KATNAL1: variants seen among roughly 807,000 people sequenced by gnomAD.
The protein encoded by KATNAL1 is katanin catalytic subunit A1 like 1.
In KATNAL1, 32 loss-of-function variants were observed where a neutral mutation model predicts 55.2. The ratio of observed to expected loss-of-function variants is 0.58; its 90% CI spans 0.44 to 0.78. KATNAL1 has a LOEUF of 0.78. Ranked by LOEUF, KATNAL1 falls within the 30% of genes least tolerant of loss-of-function variation. The pLI is 0.00. For synonymous variants in KATNAL1, 193 were observed against 193.6 expected (o/e 1.00, Z 0.02); for missense variants, 466 against 600.9 (o/e 0.78, Z 2.35).
intron 7 of KATNAL1, among the ~76,000 whole-genome samples, chr13:30,230,867 T>C (rs78350056): frequency 0.02 from 2,978 of 152,290 alleles, 88 homozygotes; most frequent in African/African-American, 0.068. Context: ...ATTTCCATAA[T>C]GGAAAAATTT....
intron 4 of KATNAL1, among the ~76,000 whole-genome samples, chr13:30,251,139 CAAAAA>C (rs34899786): frequency 1.2e-5 from 1 of 85,912 alleles, no homozygotes. Flanking sequence ...GACTCTGCCT[CAAAAA>C]AAAAAAAAAA....
chr13:30,240,328 G>A (rs544331180), intron 6 of KATNAL1, 132 bp downstream of exon 6: 16 of 614,962 alleles, frequency 2.6e-5, no homozygotes, highest in South Asian at 2.1e-4. Context: ...AAATCCAGGT[G>A]TTTTGGGTGT....
At chr13:30,280,515 A>C (rs1260022986) in intron 2 of KATNAL1, among the ~76,000 whole-genome samples, 2 of 152,202 alleles carry the variant, frequency 1.3e-5, no homozygotes, top group Non-Finnish European at 2.9e-5. Context: ...AAAACAAGCA[A>C]CTAAGTAGGT....
intron 4 of KATNAL1, among the ~76,000 whole-genome samples, chr13:30,248,876 A>G (rs1295360242): frequency 1.3e-5 from 2 of 152,090 alleles, no homozygotes; most frequent in Non-Finnish European, 2.9e-5. Flanking sequence ...TGGCTAACAC[A>G]GTGAAACCCC....
At chr13:30,268,949 C>T (rs1879994533) in intron 3 of KATNAL1, among the ~76,000 whole-genome samples, 1 of 152,110 alleles carries the variant, frequency 6.6e-6, no homozygotes, top group Non-Finnish European at 1.5e-5. Flanking sequence ...CCTGACCTTA[C>T]AAAGCTTACA....
chr13:30,240,697 CA>C lies in KATNAL1; in HGVS notation c.621-133del, dbSNP rs569210453. On this transcript the variant is annotated intron_variant, in intron 5 of 10. Coordinates refer to ENST00000380615, the MANE Select transcript of KATNAL1 (RefSeq NM_032116.5). ...AAGAACATTATTCTAATTCTTACTG[CA>C]TAAAAAGATCAGTGAAAACATTAGT... is the stretch of plus-strand genomic sequence containing the variant. The C allele has an allele frequency of 3.1e-4, 215 of 696,188 alleles. 1 individual carries two copies. In the African/African-American group the frequency reaches 3.4e-3, roughly 11 times the overall value. 43.1% of individuals were successfully genotyped at this position (696,188 alleles called of 1,614,324 possible). A position where few individuals can be genotyped will look rare whatever the true frequency, so the allele number is the denominator to read the frequency against.
intron 1 of KATNAL1, among the ~76,000 whole-genome samples, chr13:30,285,094 G>C (rs1881687094): frequency 6.6e-6 from 1 of 152,140 alleles, no homozygotes; most frequent in Non-Finnish European, 1.5e-5. Context: ...GTTCTTCAGG[G>C]ACTCAAAAAT....
At chr13:30,285,526 C>T (rs1307372283) in intron 1 of KATNAL1, among the ~76,000 whole-genome samples, 1 of 152,162 alleles carries the variant, frequency 6.6e-6, no homozygotes, top group African/African-American at 2.4e-5. Flanking sequence ...TTCTGAGCCT[C>T]CCCAGCCATG....
chr13:30,233,192 T>C (rs1185833743), intron 6 of KATNAL1, among the ~76,000 whole-genome samples: 3 of 152,042 alleles, frequency 2.0e-5, no homozygotes, highest in African/African-American at 7.2e-5. Context: ...GGAGAAAATA[T>C]ATGCAAAATA....
At chr13:30,229,607 A>G (rs1363865021) in intron 8 of KATNAL1, among the ~76,000 whole-genome samples, 1 of 152,124 alleles carries the variant, frequency 6.6e-6, no homozygotes, top group African/African-American at 2.4e-5. Context: ...GGTCCCAGCT[A>G]CTTAGGAGGC....
In KATNAL1 at chr13:30,227,533, A is replaced by C; in HGVS notation, c.1026T>G (p.Ala342=). ...LLIQMDGVGG[A]LENDDPSKMV... ...TTTTGGAAGGATCATCATTTTCTAA[A>C]GCTCCTCCAACTCCTATACACAGTA... Residue 342 remains alanine, a synonymous_variant, in exon 9 of 11, where the codon GCT becomes GCG. Transcript: ENST00000380615. 1 of 1,613,902 alleles carries C rather than the reference A, an allele frequency of 6.2e-7. No individual in the cohort carries two copies. The highest frequency in any genetic ancestry group is 8.5e-7 in the Non-Finnish European group (1 of 1,179,850).
At chr13:30,210,465 T>G (rs200409413) in intron 9 of KATNAL1, 23 bp from the exon 10 acceptor site, 225 of 1,581,492 alleles carry the variant, frequency 1.4e-4, no homozygotes, top group Middle Eastern at 8.5e-4. Flanking sequence ...TTTGGTGGTG[T>G]TGTTAGATGT....
chr13:30,279,648 T>G (rs908557359), intron 3 of KATNAL1, among the ~76,000 whole-genome samples: 1 of 152,184 alleles, frequency 6.6e-6, no homozygotes, highest in African/African-American at 2.4e-5. Context: ...GTAAGGTTCC[T>G]TCTACACTAA....
At chr13:30,289,919 G>A (rs1882025391) in intron 1 of KATNAL1, among the ~76,000 whole-genome samples, 1 of 152,190 alleles carries the variant, frequency 6.6e-6, no homozygotes, top group Admixed American at 6.5e-5. Flanking sequence ...AAACAACTAA[G>A]TGTGGTTGTG....
intron 9 of KATNAL1, among the ~76,000 whole-genome samples, chr13:30,220,005 T>C (rs1225853523): frequency 6.6e-6 from 1 of 152,178 alleles, no homozygotes; most frequent in Non-Finnish European, 1.5e-5. Flanking sequence ...TAGTGAAGAA[T>C]TAAAGTTCAA....
At chr13:30,283,293 G>GAAAAAAAAA (rs1593945549) in intron 2 of KATNAL1, among the ~76,000 whole-genome samples, 2 of 55,894 alleles carry the variant, frequency 3.6e-5, no homozygotes, top group African/African-American at 7.2e-5. Flanking sequence ...AAAAAAAAAG[G>GAAAAAAAAA]AATGAATGAA....
intron 6 of KATNAL1, among the ~76,000 whole-genome samples, chr13:30,238,876 C>T (rs557615269): frequency 2.0e-4 from 31 of 152,002 alleles, no homozygotes; most frequent in South Asian, 4.2e-4. Context: ...GAAAGTGTGC[C>T]GCAGAAAGGC....
At chr13:30,214,175 G>A (rs958880257) in intron 9 of KATNAL1, among the ~76,000 whole-genome samples, 8 of 152,124 alleles carry the variant, frequency 5.3e-5, no homozygotes, top group African/African-American at 1.9e-4. Flanking sequence ...ATTCACAATT[G>A]CTTCAAAGAG....
At position 30,298,803 on chromosome 13, in the gene KATNAL1, T is replaced by A. The variant is rs530575967; in HGVS notation, c.-15+8528A>T. Reference sequence around the variant, plus strand: ...CAGAAACTGACCAGAATGCAGCATATAGAGAATAAGTAAATAAGATTAAGA... The same window carrying A: ...CAGAAACTGACCAGAATGCAGCATAAAGAGAATAAGTAAATAAGATTAAGA... On this transcript the variant is annotated intron_variant, in intron 1 of 10. Coordinates refer to ENST00000380615, the MANE Select transcript of KATNAL1 (RefSeq NM_032116.5). Among the ~76,000 whole-genome samples the A allele has an allele frequency of 2.0e-5, 3 of 151,836 alleles. No homozygotes were observed. The South Asian group carries it at 6.2e-4, about 32-fold the overall frequency.
Sources: allele counts gnomAD v4.1 joint callset (sites outside exome capture counted in the v4.1 genomes callset), GRCh38; gene constraint gnomAD v4.1.1; transcripts MANE v1.5; gene names NCBI Gene and HGNC (gene_info 2026-07-23, HGNC 2026-07-21).